TTN: variants seen among roughly 807,000 people sequenced by gnomAD.
The protein encoded by TTN is titin.
Under a neutral mutation model 3,223.0 loss-of-function variants are expected in TTN, and 1,525 were observed. The observed-to-expected ratio is 0.47, with a 90% CI of 0.45 to 0.49. TTN has a LOEUF of 0.49. TTN is among the 20% of genes least tolerant of loss of function. The pLI, the probability that TTN is intolerant of heterozygous loss-of-function variation, is 0.00. For missense variants in TTN, 40,786 were observed against 43,424.0 expected (o/e 0.94, Z 5.40); for synonymous variants, 14,094 against 15,161.0 (o/e 0.93, Z 5.17).
intron 223 of TTN, among the ~76,000 whole-genome samples, chr2:178,638,392 C>T (rs1031652078): frequency 6.6e-6 from 1 of 150,558 alleles, no homozygotes; most frequent in Non-Finnish European, 1.5e-5. Context: ...TATAATTTTT[C>T]CAAATAGTTT....
At position 178,735,918 on chromosome 2, in the gene TTN, A is replaced by G. The variant is rs1401764178; in HGVS notation, c.14528T>C (p.Ile4843Thr). ...AATGTGTTTGTTTTCTGCGTCGGAA[A>G]TCCTCCAGTTAGGTGAAGGTGAGAG... is the stretch of plus-strand genomic sequence containing the variant. The part of the protein sequence containing the change: ...AALSPSPNWR[I>T]SDAENKHILE... Residue 4843 changes from isoleucine (I) to threonine (T), a missense_variant, in exon 50 of 363, where the codon ATT (isoleucine) becomes ACT (threonine). Physicochemically the swap from Ile to Thr is moderately conservative, Grantham distance 89. Coordinates refer to ENST00000589042, the MANE Select transcript of TTN (RefSeq NM_001267550.2). 1.9e-6 allele frequency: 3 copies of G among 1,613,880 alleles called. No individual in the cohort carries two copies. In the Admixed American group the frequency reaches 5.0e-5, roughly 27 times the overall value.
chr2:178,538,675 G>A lies in TTN; in HGVS notation c.99154C>T (p.Arg33052Cys), dbSNP rs758109676. The A allele has an allele frequency of 2.7e-5, 44 of 1,613,536 alleles. No homozygotes were observed. Among genetic ancestry groups the A allele is most frequent in the South Asian group, 1.3e-4 (12 of 91,070 alleles). ...DSAWKKSNKERIKDKQFTIGG... is the reference protein window; with the variant it reads ...DSAWKKSNKECIKDKQFTIGG... The stretch of plus-strand genomic sequence containing the variant: ...ATTGTGAATTGCTTGTCCTTAATAC[G>A]TTCCTTATTGCTCTTCTTCCAGGCA... Residue 33052 changes from arginine (R) to cysteine (C), a missense_variant, in exon 354 of 363, where the codon CGT (arginine) becomes TGT (cysteine). Arg to Cys is a radical substitution (Grantham distance 180, BLOSUM62 -3). Coordinates refer to ENST00000589042, the MANE Select transcript of TTN (RefSeq NM_001267550.2).
chr2:178,737,817 T>C (rs1229555508), intron 49 of TTN: 1 of 344,228 alleles, frequency 2.9e-6, no homozygotes, highest in African/African-American at 2.1e-5. Flanking sequence ...ATGTTTTATA[T>C]GAAGGGCCAA....
rs1161003703 is a variant in TTN at position 178,577,501 on chromosome 2, G to T, written c.68834C>A (p.Thr22945Lys). The change falls in exon 324 of 363, where the codon ACA becomes AAA. Residue 22945 changes from threonine (T) to lysine (K), a missense_variant. Coordinates refer to ENST00000589042, the MANE Select transcript of TTN (RefSeq NM_001267550.2). ...IICKDEYEAP[T>K]IVLDPTIKDG... ...TTTTATTGTGGGATCAAGGACAATT[G>T]TTGGTGCCTCTGCAAAGAAAAAAAT... is the stretch of plus-strand genomic sequence containing the variant. 1.9e-6 allele frequency: 3 copies of T among 1,579,664 alleles called. No homozygotes were observed. The highest frequency in any genetic ancestry group is 2.6e-6 in the Non-Finnish European group (3 of 1,162,216).
rs774074192 is a variant in TTN at position 178,783,720 on chromosome 2, C to T, written c.2841G>A (p.Ser947=). 12 of 1,612,688 alleles carry T rather than the reference C, an allele frequency of 7.4e-6. No individual in the cohort carries two copies. Among genetic ancestry groups the T allele is most frequent in the South Asian group, 2.2e-5 (2 of 91,030 alleles). The part of the protein sequence containing the change: ...EIPVTPPTLV[S]GLKNVTVIEG... ...CAGCATTATCAACTTCTTTACTCAC[C>T]GAGACCAAAGTTGGTGGAGTAACAG... Residue 947 remains serine, a splice_region_variant and synonymous_variant, in exon 17 of 363, where the codon TCG becomes TCA. Transcript: ENST00000589042.
chr2:178,690,119 T>C (rs975253876), intron 121 of TTN, among the ~76,000 whole-genome samples: 7 of 152,214 alleles, frequency 4.6e-5, no homozygotes, highest in Non-Finnish European at 8.8e-5. Context: ...AAATGAGTTA[T>C]GTAACAAAGT....
Position 178,741,487 on chromosome 2 carries a change from G to A in TTN, c.11746C>T (p.His3916Tyr), listed in dbSNP as rs745937932. The A allele has an allele frequency of 6.2e-7, 1 of 1,613,816 alleles. No homozygotes were observed. Among genetic ancestry groups the A allele is most frequent in the Admixed American group, 1.7e-5 (1 of 59,992 alleles). Residue 3916 changes from histidine (H) to tyrosine (Y), a missense_variant, in exon 48 of 363, where the codon CAC becomes TAC. His to Tyr is a moderately conservative substitution (Grantham distance 83). Transcript: ENST00000589042. The part of the protein sequence containing the change: ...YLKINSKGEG[H>Y]KDTETESAVA... Reference sequence around the variant, plus strand: ...GCTGATTCTGTTTCAGTGTCTTTGTGACCCTCTCCTTTGGAATTAATTTTT... The same window carrying A: ...GCTGATTCTGTTTCAGTGTCTTTGTAACCCTCTCCTTTGGAATTAATTTTT...
rs1184728925 is a variant in TTN at position 178,689,303 on chromosome 2, T to C, written c.31998A>G (p.Pro10666=). Residue 10666 remains proline (P), a synonymous_variant, in exon 124 of 363, where the codon CCA becomes CCG. Coordinates refer to ENST00000589042, the MANE Select transcript of TTN (RefSeq NM_001267550.2). ...KPVPRKEEEV[P]PPPKVPALPK... ...GAGAAACAATACCTTTTGGTGGTGG[T>C]GGAACTTCTTCCTCCTTCCGAGGAA... The C allele has an allele frequency of 6.2e-7, 1 of 1,612,542 alleles. No homozygotes were observed. Among genetic ancestry groups the C allele is most frequent in the South Asian group, 1.1e-5 (1 of 90,720 alleles).
At chr2:178,710,519 CT>C in intron 98 of TTN, 115 bp downstream of exon 98, 1 of 1,267,828 alleles carries the variant, frequency 7.9e-7, no homozygotes, top group Non-Finnish European at 1.1e-6. Flanking sequence ...TAAACATTTT[CT>C]TTTCATTTGT....
rs113570086 is a variant in TTN at position 178,545,819 on chromosome 2, C to G, written c.95416+1G>C. 1 of 1,612,660 alleles carries G rather than the reference C, an allele frequency of 6.2e-7. No individual in the cohort carries two copies. The highest frequency in any genetic ancestry group is 8.5e-7 in the Non-Finnish European group (1 of 1,178,884). On this transcript the variant is annotated splice_donor_variant, in intron 343 of 362. Coordinates refer to ENST00000589042, the MANE Select transcript of TTN (RefSeq NM_001267550.2). LOFTEE classifies it high-confidence loss of function. ...AATTATTTAAAAGTGTTAATACTTACTGAATGAGTTTCTGGCTACAATTGG... is the reference window on the plus strand; with the variant it reads ...AATTATTTAAAAGTGTTAATACTTAGTGAATGAGTTTCTGGCTACAATTGG...
In TTN at chr2:178,548,908, G is replaced by A. The variant is rs749379446; in HGVS notation, c.92718C>T (p.Asp30906=). The change falls in exon 339 of 363, where the codon GAC becomes GAT. Residue 30906 remains aspartate (D), a synonymous_variant. Coordinates refer to ENST00000589042, the MANE Select transcript of TTN (RefSeq NM_001267550.2). This position sits in a 1 kb window ranked among gnomAD's most constrained non-coding sequence, Gnocchi z 4.3. ...VSAINGAGKG[D]SCEVTGTIKA... is the part of the protein sequence containing the mutation. ...TAATTGTGCCAGTCACTTCACAGCT[G>A]TCGCCTTTTCCAGCACCATTGATAG... The A allele has an allele frequency of 5.0e-6, 8 of 1,613,774 alleles. No individual in the cohort carries two copies. The highest frequency in any genetic ancestry group is 4.0e-5 in the African/African-American group (3 of 74,928).
rs118079537 is a variant in TTN, at chr2:178,563,444, C to T, written c.82688G>A (p.Arg27563His). 109 of 1,613,578 alleles carry T rather than the reference C, an allele frequency of 6.8e-5. No homozygotes were observed. In the East Asian group the frequency reaches 1.7e-3, roughly 25 times the overall value. Reference sequence around the variant, plus strand: ...TGGTGGATACAAGGCATCACACGCACGGTAGAAAACAGATGGCTCACTAGG... The same window carrying T: ...TGGTGGATACAAGGCATCACACGCATGGTAGAAAACAGATGGCTCACTAGG... ...GEPSEPSVFY[R>H]ACDALYPPGP... The change falls in exon 326 of 363, where the codon CGT becomes CAT. Residue 27563 changes from arginine to histidine, a missense_variant. Arg to His is a conservative substitution (Grantham distance 29). Coordinates refer to ENST00000589042, the MANE Select transcript of TTN (RefSeq NM_001267550.2). The surrounding 1 kb of genome is among the most constrained non-coding windows in gnomAD (Gnocchi z 4.5).
rs759242784 is a variant in TTN, at chr2:178,718,530, G to A, written c.24576C>T (p.Ala8192=). 5 of 1,613,670 alleles carry A rather than the reference G, an allele frequency of 3.1e-6. No homozygotes were observed. Among genetic ancestry groups the A allele is most frequent in the Non-Finnish European group, 4.2e-6 (5 of 1,179,726 alleles). ...AGATTGGAGGTGTGCCAGTGTATGT[G>A]GCCTCGAGAACTATGGGGCTTCCTG... ...VETGSPIVLE[A]TYTGTPPISV... is the part of the protein sequence containing the mutation. The change falls in exon 85 of 363, where the codon GCC becomes GCT. Residue 8192 remains alanine, a synonymous_variant. Transcript: ENST00000589042.
At position 178,601,089 on chromosome 2, in the gene TTN, A is replaced by G. The variant is rs545089945; in HGVS notation, c.55815T>C (p.Asn18605=). The change falls in exon 288 of 363, where the codon AAT becomes AAC. Residue 18605 remains asparagine (N), a synonymous_variant. Transcript: ENST00000589042. ...AGTGGGTAACAGGGGAGCCCCCATC[A>G]TTCTTCGGGGGTTTCCATGACAGAT... is the stretch of plus-strand genomic sequence containing the variant. The part of the protein sequence containing the change: ...TVHLSWKPPK[N]DGGSPVTHYI... The G allele has an allele frequency of 2.5e-6, 4 of 1,606,090 alleles. No homozygotes were observed. In the Admixed American group the frequency reaches 6.8e-5, roughly 27 times the overall value.
intron 224 of TTN, among the ~76,000 whole-genome samples, chr2:178,637,140 T>C (rs971371130): frequency 2.5e-5 from 3 of 120,484 alleles, no homozygotes; most frequent in Admixed American, 8.9e-5. Context: ...TGCTAAAATA[T>C]AGTTGGATAT....
chr2:178,752,859 GA>G (rs1318696019), intron 47 of TTN, among the ~76,000 whole-genome samples: 2 of 151,858 alleles, frequency 1.3e-5, no homozygotes, highest in African/African-American at 4.8e-5. Flanking sequence ...TACACTTTTG[GA>G]AATGACTGCA....
Position 178,542,851 on chromosome 2 carries a change from G to A in TTN, c.97003C>T (p.Pro32335Ser), listed in dbSNP as rs779886174. ...ELVIPIAGRP[P>S]PAASWFFAGS... ...GCAAAGAACCAGGAAGCAGCAGGAG[G>A]TGGACGGCCAGCAATAGGTATCACC... Residue 32335 changes from proline (P) to serine (S), a missense_variant, in exon 348 of 363, where the codon CCT becomes TCT. Physicochemically the swap from Pro to Ser is moderately conservative, Grantham distance 74. Coordinates refer to ENST00000589042, the MANE Select transcript of TTN (RefSeq NM_001267550.2). The A allele has an allele frequency of 1.2e-6, 2 of 1,613,798 alleles. No individual in the cohort carries two copies. The highest frequency in any genetic ancestry group is 2.2e-5 in the East Asian group (1 of 44,864).
chr2:178,675,003 G>T, intron 150 of TTN, 36 bp downstream of exon 150: 1 of 1,284,708 alleles, frequency 7.8e-7, no homozygotes, highest in South Asian at 1.6e-5. Flanking sequence ...AGACAAGGAT[G>T]ACTTTGAAAT....
At chr2:178,736,707 G>A (rs1400642772) in intron 49 of TTN, among the ~76,000 whole-genome samples, 1 of 151,974 alleles carries the variant, frequency 6.6e-6, no homozygotes, top group African/African-American at 2.4e-5. Flanking sequence ...ATTATCTGAA[G>A]CTTCAATATT....
Sources: allele counts gnomAD v4.1 joint callset (sites outside exome capture counted in the v4.1 genomes callset), GRCh38; gene constraint gnomAD v4.1.1; non-coding constraint Gnocchi (gnomAD v3.1); transcripts MANE v1.5; gene names NCBI Gene and HGNC (gene_info 2026-07-23, HGNC 2026-07-21).